Variants in TMEM184B observed in about 807,000 individuals in gnomAD.
TMEM184B encodes the protein transmembrane protein 184B.
TMEM184B carries 17 observed loss-of-function variants against 41.8 expected under a neutral mutation model. That is an observed-to-expected ratio of 0.41 (90% CI 0.28 to 0.61). TMEM184B has a LOEUF of 0.61. Among genes scored for constraint, TMEM184B ranks in the 20% least tolerant of loss-of-function variants. TMEM184B has a pLI of 0.34. For synonymous variants in TMEM184B, 240 were observed against 229.5 expected (o/e 1.05, Z -0.41); for missense variants, 393 against 557.8 (o/e 0.70, Z 2.98).
At position 38,225,045 on chromosome 22, in the gene TMEM184B, A is replaced by G; in HGVS notation, c.788-66T>C. The G allele has an allele frequency of 6.9e-7, 1 of 1,459,774 alleles. No homozygotes were observed. Among genetic ancestry groups the G allele is most frequent in the African/African-American group, 1.4e-5 (1 of 71,258 alleles). The allele number at this position is 1,459,774 out of a possible 1,614,324, so 90.4% of individuals were successfully genotyped here. ...CTTTCCTGCTCCCCCTTCTTCCACAATGCCCCATTCAGCTGCCCACATGCC... is the reference window on the plus strand; with the variant it reads ...CTTTCCTGCTCCCCCTTCTTCCACAGTGCCCCATTCAGCTGCCCACATGCC... On this transcript the variant is annotated intron_variant, in intron 7 of 8. Transcript: ENST00000361906. The surrounding 1 kb of genome is among the most constrained non-coding windows in gnomAD (Gnocchi z 4.4).
intron 1 of TMEM184B, among the ~76,000 whole-genome samples, chr22:38,256,981 T>G (rs1013995436): frequency 1.0e-4 from 15 of 149,256 alleles, no homozygotes; most frequent in Admixed American, 1.0e-3. Flanking sequence ...TTAATAGTTT[T>G]TTTTTTTTTT....
At chr22:38,217,188 CA>C (rs1286560261), downstream of TMEM184B, among the ~76,000 whole-genome samples, 3 of 124,688 alleles carry the variant, frequency 2.4e-5, no homozygotes, top group East Asian at 2.3e-4. Flanking sequence ...ACAACAACAA[CA>C]AAAAAAAAAC....
intron 2 of TMEM184B, among the ~76,000 whole-genome samples, chr22:38,247,503 G>A (rs904498479): frequency 2.0e-5 from 3 of 152,254 alleles, no homozygotes; most frequent in African/African-American, 7.2e-5. Context: ...AGGAGGCTGA[G>A]GCAGGAGAAT....
Position 38,237,162 on chromosome 22 carries a change from TCA to T in TMEM184B, c.359-5830_359-5829del, listed in dbSNP as rs1460656590. Reference sequence around the variant, plus strand: ...CCAGCAGTTGTAAGGCTCTACATGTTCACATCCCCCCGCAACGGCCACCCTCA... The same window carrying T: ...CCAGCAGTTGTAAGGCTCTACATGTTCATCCCCCCGCAACGGCCACCCTCA... On this transcript the variant is annotated intron_variant, in intron 3 of 8. Transcript: ENST00000361906. 3.9e-5 allele frequency among the ~76,000 whole-genome samples: 6 copies of T among 152,178 alleles called. No homozygotes were observed. In the East Asian group the frequency reaches 1.2e-3, roughly 29 times the overall value.
chr22:38,268,306 C>T (rs1335586360), intron 1 of TMEM184B, among the ~76,000 whole-genome samples: 2 of 147,770 alleles, frequency 1.4e-5, no homozygotes, highest in Non-Finnish European at 3.0e-5. Flanking sequence ...ACCCAGGAGG[C>T]GGAGGTTGCA....
At chr22:38,247,578 T>C (rs2092063534) in intron 2 of TMEM184B, among the ~76,000 whole-genome samples, 192 bp downstream of exon 2, 1 of 152,118 alleles carries the variant, frequency 6.6e-6, no homozygotes, top group African/African-American at 2.4e-5. Flanking sequence ...CCAGCCTGGG[T>C]GACAGAGTGA....
At chr22:38,271,666 A>C (rs1189726968) in intron 1 of TMEM184B, among the ~76,000 whole-genome samples, 2 of 152,128 alleles carry the variant, frequency 1.3e-5, no homozygotes, top group African/African-American at 4.8e-5. Context: ...ACCTGTTTCC[A>C]AATCTGATTC....
chr22:38,240,501 G>A (rs868670650), intron 3 of TMEM184B, among the ~76,000 whole-genome samples: 1 of 152,062 alleles, frequency 6.6e-6, no homozygotes, highest in South Asian at 2.1e-4. Context: ...AGAAGCGCGA[G>A]GTCCTACTAG....
intron 8 of TMEM184B, chr22:38,222,508 TG>T: frequency 1.2e-6 from 1 of 825,334 alleles, no homozygotes; most frequent in Non-Finnish European, 1.5e-6. Context: ...ACAGGTGCTC[TG>T]GGCGCTCCCA....
intron 2 of TMEM184B, 32 bp from the exon 3 acceptor site, chr22:38,246,132 C>T (rs777140193): frequency 1.9e-5 from 30 of 1,597,754 alleles, no homozygotes; most frequent in Middle Eastern, 1.9e-4. Context: ...CAGCTGGGGA[C>T]CCTCCTGTCC....
At chr22:38,222,540 A>G in intron 8 of TMEM184B, 7 of 967,490 alleles carry the variant, frequency 7.2e-6, no homozygotes, top group Non-Finnish European at 8.6e-6. Flanking sequence ...GCCGGTGGGG[A>G]GGAGATGAGG....
Position 38,255,578 on chromosome 22 carries a change from C to T in TMEM184B, c.-58-7559G>A, listed in dbSNP as rs181115815. On this transcript the variant is annotated intron_variant, in intron 1 of 8. Transcript: ENST00000361906. ...ACGTATATTCACACAAAAGCCTGTA[C>T]ACAAATGTTCACGGCAGCCGTATCT... Among the ~76,000 whole-genome samples, 718 of 152,332 alleles carry T rather than the reference C, an allele frequency of 4.7e-3. 3 individuals are homozygous for T. Among genetic ancestry groups the T allele is most frequent in the African/African-American group, 0.016 (679 of 41,574 alleles).
chr22:38,259,618 T>C (rs1310683469), intron 1 of TMEM184B, among the ~76,000 whole-genome samples: 1 of 152,082 alleles, frequency 6.6e-6, no homozygotes, highest in Non-Finnish European at 1.5e-5. Flanking sequence ...GGCAGGGAAA[T>C]AATTCTCCCC....
downstream of TMEM184B, among the ~76,000 whole-genome samples, chr22:38,216,871 C>CCAT (rs1471743713): frequency 1.3e-5 from 2 of 151,680 alleles, no homozygotes; most frequent in African/African-American, 4.9e-5. Context: ...TAGTGACACC[C>CCAT]CATCTCTACA....
intron 5 of TMEM184B, among the ~76,000 whole-genome samples, chr22:38,229,622 AGGCTACTCTAGACCACAGGGAGGTCAGC>A (rs2091554800): frequency 2.0e-5 from 3 of 149,258 alleles, no homozygotes; most frequent in East Asian, 4.0e-4. Context: ...TGGATTGCCA[AGGCTACTCTAGACCACAGGGAGGTCAGC>A]CCAGGAAGCT....
Position 38,272,904 on chromosome 22 carries a change from G to A in TMEM184B, c.-79C>T, listed in dbSNP as rs1456859587. ...GATACCTCAGGAGCCCATGGCGGTG[G>A]CGGCGTCTGCGGACGATGCGCGGCA... On this transcript the variant is annotated 5_prime_UTR_variant, in exon 1 of 9. Coordinates refer to ENST00000361906, the MANE Select transcript of TMEM184B (RefSeq NM_012264.5). 2.2e-5 allele frequency: 16 copies of A among 723,154 alleles called. No homozygotes were observed. Among genetic ancestry groups the A allele is most frequent in the Non-Finnish European group, 2.7e-5 (16 of 590,630 alleles). The allele number at this position is 723,154 out of a possible 1,614,324, so 44.8% of individuals were successfully genotyped here.
At chr22:38,217,839 AAAAAAAAAG>A (rs2091168620), downstream of TMEM184B, among the ~76,000 whole-genome samples, 1 of 144,508 alleles carries the variant, frequency 6.9e-6, no homozygotes, top group Non-Finnish European at 1.5e-5. Flanking sequence ...TCAAAAAAAA[AAAAAAAAAG>A]AAAAGAAAAG....
At chr22:38,259,619 A>G (rs866642189) in intron 1 of TMEM184B, among the ~76,000 whole-genome samples, 170 of 152,210 alleles carry the variant, frequency 1.1e-3, no homozygotes, top group African/African-American at 4.0e-3. Flanking sequence ...GCAGGGAAAT[A>G]ATTCTCCCCC....
chr22:38,233,566 A>C (rs961797547), intron 3 of TMEM184B, among the ~76,000 whole-genome samples: 6 of 152,184 alleles, frequency 3.9e-5, no homozygotes, highest in Non-Finnish European at 8.8e-5. Flanking sequence ...CAGGACAGAC[A>C]AGTCTCCACC....
Sources: allele counts gnomAD v4.1 joint callset (sites outside exome capture counted in the v4.1 genomes callset), GRCh38; gene constraint gnomAD v4.1.1; non-coding constraint Gnocchi (gnomAD v3.1); transcripts MANE v1.5; gene names NCBI Gene and HGNC (gene_info 2026-07-23, HGNC 2026-07-21).